Variants in NAV2 observed in about 807,000 individuals in gnomAD.
NAV2 encodes neuron navigator 2.
Under a neutral mutation model 223.2 loss-of-function variants are expected in NAV2, and 54 were observed. The observed-to-expected ratio is 0.24, with a 90% confidence interval of 0.19 to 0.30. The LOEUF (loss-of-function observed/expected upper bound fraction) is 0.30, where lower values mean the gene tolerates loss of function less well. Ranked by LOEUF, NAV2 falls within the 10% of genes least tolerant of loss-of-function variation. The probability of loss-of-function intolerance (pLI) is 1.00; values close to 1 mark genes in which losing one functional copy is unlikely to be tolerated. For missense variants in NAV2, 2,806 were observed against 3,147.5 expected, an observed-to-expected ratio of 0.89 and a Z score of 2.60; for synonymous variants, 1,279 against 1,239.3, an observed-to-expected ratio of 1.03 and a Z score of -0.67.
chr11:19,567,303 G>A (rs1227068932), intron 1 of NAV2, among the ~76,000 whole-genome samples: 1 of 152,198 alleles, frequency 6.6e-6, no homozygotes, highest in African/African-American at 2.4e-5. Context: ...CTGTGGAAGG[G>A]AAGTGTAGTT....
At chr11:19,510,153 C>T (rs116611768) in intron 1 of NAV2, among the ~76,000 whole-genome samples, 4,353 of 152,282 alleles carry the variant, frequency 0.029, 71 homozygotes, top group Middle Eastern at 0.034. Flanking sequence ...GGAAGAAACA[C>T]AGGAGTGGTT....
At position 19,850,399 on chromosome 11, in the gene NAV2, C is replaced by G. The variant is rs536058699; in HGVS notation, c.438+7476C>G. 2.2e-4 allele frequency among the ~76,000 whole-genome samples: 33 copies of G among 152,260 alleles called. No individual in the cohort carries two copies. The South Asian group carries it at 6.9e-3, about 32-fold the overall frequency. ...GCGTCTGTCATTTTGGTGACTGGGCCTGTAGTCAGCATTTAGTAAATACAG... is the reference window on the plus strand; with the variant it reads ...GCGTCTGTCATTTTGGTGACTGGGCGTGTAGTCAGCATTTAGTAAATACAG... On this transcript the variant is annotated intron_variant, in intron 3 of 37. Coordinates refer to ENST00000349880, the MANE Select transcript of NAV2 (RefSeq NM_145117.5).
At chr11:19,467,382 G>T (rs903445957) in intron 1 of NAV2, among the ~76,000 whole-genome samples, 3 of 151,998 alleles carry the variant, frequency 2.0e-5, no homozygotes, top group Non-Finnish European at 2.9e-5. Flanking sequence ...ACAAATCTTG[G>T]TGGTAATTTC....
At chr11:19,873,163 C>T (rs2062629231) in intron 4 of NAV2, among the ~76,000 whole-genome samples, 1 of 152,200 alleles carries the variant, frequency 6.6e-6, no homozygotes, top group African/African-American at 2.4e-5. Context: ...CAAATGTTTC[C>T]TGGGCACATC....
At chr11:19,536,986 A>G (rs2044208496) in intron 1 of NAV2, among the ~76,000 whole-genome samples, 1 of 152,216 alleles carries the variant, frequency 6.6e-6, no homozygotes, top group African/African-American at 2.4e-5. Flanking sequence ...CAGATTGGCA[A>G]TTATATATGC....
intron 1 of NAV2, among the ~76,000 whole-genome samples, chr11:19,389,837 C>T (rs1293373234): frequency 6.6e-6 from 1 of 152,218 alleles, no homozygotes; most frequent in Non-Finnish European, 1.5e-5. Flanking sequence ...GCCCACATTG[C>T]TAAGCTCTTC....
intron 1 of NAV2, among the ~76,000 whole-genome samples, chr11:19,527,323 G>A (rs756811611): frequency 6.6e-5 from 10 of 152,130 alleles, no homozygotes; most frequent in Admixed American, 1.3e-4. Flanking sequence ...TCACGATTAT[G>A]AGGCCTCCCC....
intron 1 of NAV2, among the ~76,000 whole-genome samples, chr11:19,774,466 C>T (rs768694655): frequency 2.9e-4 from 44 of 152,106 alleles, no homozygotes; most frequent in Admixed American, 7.2e-4. Context: ...TGTGAGCTAC[C>T]GCGCTCAGCC....
At chr11:20,027,925 C>G (rs1388039853) in intron 11 of NAV2, among the ~76,000 whole-genome samples, 2 of 152,312 alleles carry the variant, frequency 1.3e-5, no homozygotes, top group African/African-American at 4.8e-5. Flanking sequence ...ATCCCTGGAA[C>G]CTTGGGATTC....
intron 11 of NAV2, among the ~76,000 whole-genome samples, chr11:19,991,108 C>T (rs1354468294): frequency 1.3e-5 from 2 of 152,294 alleles, no homozygotes; most frequent in Non-Finnish European, 2.9e-5. Flanking sequence ...TTGCGAAGCA[C>T]CTAAGACAAA....
chr11:19,802,107 C>T (rs1290048505), intron 1 of NAV2, among the ~76,000 whole-genome samples: 2 of 152,122 alleles, frequency 1.3e-5, no homozygotes, highest in Admixed American at 6.6e-5. Context: ...CTTTTATCTC[C>T]GAAGGGCTAG....
At chr11:20,046,274 TG>T (rs2153589054) in intron 14 of NAV2, among the ~76,000 whole-genome samples, 1 of 150,140 alleles carries the variant, frequency 6.7e-6, no homozygotes, top group Admixed American at 6.7e-5. Context: ...AGGCGGAGGT[TG>T]CAGTGAGCCA....
At chr11:19,698,494 C>T (rs902048668) in intron 1 of NAV2, among the ~76,000 whole-genome samples, 8 of 152,168 alleles carry the variant, frequency 5.3e-5, no homozygotes, top group Admixed American at 3.3e-4. Flanking sequence ...CAAGGTCACC[C>T]GGACTGTGAA....
chr11:19,962,624 T>C (rs971205120), intron 10 of NAV2, among the ~76,000 whole-genome samples: 1 of 152,278 alleles, frequency 6.6e-6, no homozygotes, highest in South Asian at 2.1e-4. Flanking sequence ...CCTTCCTTCG[T>C]CCCCTGGGTC....
At chr11:19,863,378 C>A (rs1421187896) in intron 3 of NAV2, among the ~76,000 whole-genome samples, 1 of 152,200 alleles carries the variant, frequency 6.6e-6, no homozygotes, top group East Asian at 1.9e-4. Flanking sequence ...TGGTATATTG[C>A]ATCCTGTATG....
intron 1 of NAV2, among the ~76,000 whole-genome samples, chr11:19,523,362 A>G (rs2134348544): frequency 1.5e-5 from 2 of 135,152 alleles, no homozygotes; most frequent in South Asian, 2.1e-4. Flanking sequence ...AGTCAGGAAC[A>G]GTGCATCCCT....
chr11:19,777,428 C>T (rs1321336136), intron 1 of NAV2: 1 of 447,204 alleles, frequency 2.2e-6, no homozygotes, highest in Non-Finnish European at 4.5e-6. Flanking sequence ...TCCCCTCCTC[C>T]TTTTTCCTCT....
chr11:19,832,636 A>G, intron 2 of NAV2, 35 bp downstream of exon 2: 1 of 1,559,386 alleles, frequency 6.4e-7, no homozygotes, highest in Non-Finnish European at 8.8e-7. Context: ...GTAATGAGTT[A>G]CAGTGGAGCC....
At chr11:19,503,426 C>T (rs1165369083) in intron 1 of NAV2, 1 of 152,172 alleles carries the variant, frequency 6.6e-6, no homozygotes, top group Non-Finnish European at 1.5e-5. Context: ...AGTTTCACTG[C>T]CCTAAAAGTC....
Sources: allele counts gnomAD v4.1 joint callset (sites outside exome capture counted in the v4.1 genomes callset), GRCh38; gene constraint gnomAD v4.1.1; transcripts MANE v1.5; gene names NCBI Gene and HGNC (gene_info 2026-07-23, HGNC 2026-07-21).